The following CAPN2 variants were observed in gnomAD, a reference collection of about 807,000 sequenced individuals.
CAPN2 encodes calpain 2, also known as calpain-2 catalytic subunit.
Under a neutral mutation model 102.3 loss-of-function variants are expected in CAPN2, and 92 were observed. The observed-to-expected ratio is 0.90, with a 90% CI of 0.76 to 1.07. CAPN2 has a LOEUF of 1.07. Among genes scored for constraint, CAPN2 ranks in the 50% least tolerant of loss-of-function variants. The pLI, the probability that CAPN2 is intolerant of heterozygous loss-of-function variation, is 0.00. For missense variants in CAPN2, 800 were observed against 909.4 expected (o/e 0.88, Z 1.55); for synonymous variants, 340 against 355.4 (o/e 0.96, Z 0.49).
rs1305998653 is a variant in CAPN2, at chr1:223,726,594, C to G, written c.307+8763C>G. On this transcript the variant is annotated intron_variant, in intron 2 of 20. Coordinates refer to ENST00000295006, the MANE Select transcript of CAPN2 (RefSeq NM_001748.5). This position sits in a 1 kb window ranked among gnomAD's most constrained non-coding sequence, Gnocchi z 4.4. ...TCCCATCCTCCCTTTTAGGGCCTCC[C>G]TTCTGGCAGATAGGGCAGGGAGAAG... Among the ~76,000 whole-genome samples, 1 of 152,152 alleles carries G rather than the reference C, an allele frequency of 6.6e-6. No individual in the cohort carries two copies. The highest frequency in any genetic ancestry group is 1.5e-5 in the Non-Finnish European group (1 of 68,032).
In CAPN2 at chr1:223,727,055, G is replaced by A. The variant is rs1042685507; in HGVS notation, c.307+9224G>A. 2.0e-5 allele frequency among the ~76,000 whole-genome samples: 3 copies of A among 152,174 alleles called. No homozygotes were observed. The highest frequency in any genetic ancestry group is 6.5e-5 in the Admixed American group (1 of 15,290). On this transcript the variant is annotated intron_variant, in intron 2 of 20. Transcript: ENST00000295006. The surrounding 1 kb of genome is among the most constrained non-coding windows in gnomAD (Gnocchi z 4.1). ...CAGCTGCCTGAAAATGTGGCTCTCC[G>A]CCTTCTTGGGCTGCCTAGGACCTTG...
At chr1:223,707,254 TC>T (rs1558376805) in intron 1 of CAPN2, among the ~76,000 whole-genome samples, 2 of 141,914 alleles carry the variant, frequency 1.4e-5, no homozygotes, top group African/African-American at 5.4e-5. Context: ...CTCTCTCTCT[TC>T]TTCTCTCTCT....
At chr1:223,732,107 G>A (rs1429548638) in intron 2 of CAPN2, among the ~76,000 whole-genome samples, 4 of 152,118 alleles carry the variant, frequency 2.6e-5, no homozygotes, top group African/African-American at 4.8e-5. Flanking sequence ...AAGCAGGTGT[G>A]GGGTCACGGT....
chr1:223,726,702 G>T lies in CAPN2; in HGVS notation c.307+8871G>T, dbSNP rs1660198251. 6.6e-6 allele frequency among the ~76,000 whole-genome samples: 1 copy of T among 152,206 alleles called. No individual in the cohort carries two copies. Among genetic ancestry groups the T allele is most frequent in the Non-Finnish European group, 1.5e-5 (1 of 68,044 alleles). On this transcript the variant is annotated intron_variant, in intron 2 of 20. Coordinates refer to ENST00000295006, the MANE Select transcript of CAPN2 (RefSeq NM_001748.5). This position sits in a 1 kb window ranked among gnomAD's most constrained non-coding sequence, Gnocchi z 4.4. ...ATGTGTGTGCAGTTTAGGGAAGGAG[G>T]CTGAAGACTTCTTGTTAATAAGGGT... is the stretch of plus-strand genomic sequence containing the variant.
At chr1:223,715,616 C>A (rs1182457757) in intron 1 of CAPN2, among the ~76,000 whole-genome samples, 1 of 152,078 alleles carries the variant, frequency 6.6e-6, no homozygotes, top group Non-Finnish European at 1.5e-5. Context: ...GCAGTAAGTC[C>A]AGTGGGGTCC....
chr1:223,764,372 C>T (rs1661262643), intron 15 of CAPN2, among the ~76,000 whole-genome samples, 165 bp downstream of exon 15: 1 of 152,204 alleles, frequency 6.6e-6, no homozygotes, highest in Non-Finnish European at 1.5e-5. Flanking sequence ...TGAAAAAGAA[C>T]AAGTGTTTGT....
chr1:223,749,546 A>G (rs1354894606), intron 6 of CAPN2: 3 of 188,862 alleles, frequency 1.6e-5, no homozygotes, highest in South Asian at 1.3e-4. Flanking sequence ...GCCTGGGCCA[A>G]TTACTGGAAC....
chr1:223,705,109 G>A (rs1659574001), intron 1 of CAPN2, among the ~76,000 whole-genome samples: 1 of 152,214 alleles, frequency 6.6e-6, no homozygotes, highest in Admixed American at 6.5e-5. Flanking sequence ...CAGCAAGCCA[G>A]TGTCGGCACT....
At chr1:223,706,907 C>A (rs560759526) in intron 1 of CAPN2, among the ~76,000 whole-genome samples, 1 of 152,040 alleles carries the variant, frequency 6.6e-6, no homozygotes, top group South Asian at 2.1e-4. Flanking sequence ...TGGCGAAACC[C>A]CGTCTCTATT....
chr1:223,770,281 G>A (rs1301996878), intron 17 of CAPN2, 166 bp from the exon 18 acceptor site: 1 of 612,244 alleles, frequency 1.6e-6, no homozygotes, highest in Non-Finnish European at 3.0e-6. Flanking sequence ...ACAGACAGAA[G>A]CAAAATACTA....
intron 2 of CAPN2, among the ~76,000 whole-genome samples, chr1:223,742,742 A>C (rs1340513209): frequency 1.3e-5 from 2 of 152,052 alleles, no homozygotes; most frequent in Admixed American, 6.6e-5. Context: ...GCCAGTGTCG[A>C]GCTCCTGTGC....
At position 223,769,849 on chromosome 1, in the gene CAPN2, G is replaced by T; in HGVS notation, c.1764G>T (p.Gly588=). 6.2e-7 allele frequency: 1 copy of T among 1,608,894 alleles called. No individual in the cohort carries two copies. The highest frequency in any genetic ancestry group is 1.1e-5 in the South Asian group (1 of 89,630). Residue 588 remains glycine, a synonymous_variant, in exon 17 of 21, where the codon GGG becomes GGT. Transcript: ENST00000295006. ...KIMVDMLDSD[G]SGKLGLKEFY... Reference sequence around the variant, plus strand: ...TCCTTGACTGAAGGCAGTCGGACGGGAGTGGCAAGCTGGGGCTGAAGGAGT... The same window carrying T: ...TCCTTGACTGAAGGCAGTCGGACGGTAGTGGCAAGCTGGGGCTGAAGGAGT...
chr1:223,728,180 G>A (rs1475611884), intron 2 of CAPN2, among the ~76,000 whole-genome samples: 1 of 152,124 alleles, frequency 6.6e-6, no homozygotes, highest in Non-Finnish European at 1.5e-5. Context: ...AAGGCATTTT[G>A]TTCTCTCTCA....
intron 20 of CAPN2, chr1:223,772,779 T>A (rs1030438493): frequency 6.6e-6 from 1 of 152,638 alleles, no homozygotes; most frequent in African/African-American, 2.4e-5. Flanking sequence ...ATCTCTGAAA[T>A]GATCATCAAT....
intron 1 of CAPN2, among the ~76,000 whole-genome samples, chr1:223,704,982 C>A (rs1659570961): frequency 6.6e-6 from 1 of 152,116 alleles, no homozygotes; most frequent in African/African-American, 2.4e-5. Context: ...TGTTCCAGCA[C>A]CCTGGCCCAC....
At chr1:223,712,461 C>T, upstream of CAPN2, 1 of 1,141,946 alleles carries the variant, frequency 8.8e-7, no homozygotes, top group African/African-American at 1.6e-5. Flanking sequence ...CCCAGCAGGC[C>T]GGGAGCGGCT....
chr1:223,701,931 C>T (rs143149665), intron 1 of CAPN2: 15,031 of 142,730 alleles, frequency 0.11, 978 homozygotes, highest in South Asian at 0.15. Flanking sequence ...CACTTGAACC[C>T]AGGAGGTGGA....
At chr1:223,765,460 A>T (rs1405857310) in intron 15 of CAPN2, among the ~76,000 whole-genome samples, 2 of 152,222 alleles carry the variant, frequency 1.3e-5, no homozygotes, top group Non-Finnish European at 2.9e-5. Flanking sequence ...CTCTTCAGAT[A>T]TGCAGTCCTC....
intron 2 of CAPN2, among the ~76,000 whole-genome samples, chr1:223,741,948 G>C (rs1445040484): frequency 2.6e-5 from 4 of 152,020 alleles, no homozygotes; most frequent in African/African-American, 9.7e-5. Flanking sequence ...CCAACTGACT[G>C]ACTCAGGGGA....
Sources: allele counts gnomAD v4.1 joint callset (sites outside exome capture counted in the v4.1 genomes callset), GRCh38; gene constraint gnomAD v4.1.1; non-coding constraint Gnocchi (gnomAD v3.1); transcripts MANE v1.5; gene names NCBI Gene and HGNC (gene_info 2026-07-23, HGNC 2026-07-21).